The following HDAC4 variants were observed in gnomAD, a reference collection of about 807,000 sequenced individuals.
HDAC4 encodes histone deacetylase 4, also known as histone deacetylase A.
Under a neutral mutation model 135.1 loss-of-function variants are expected in HDAC4, and 16 were observed. The observed-to-expected ratio is 0.12, with a 90% CI of 0.08 to 0.18. The LOEUF is 0.18. HDAC4 is among the 10% of genes least tolerant of loss of function. HDAC4 has a pLI of 1.00. For missense variants in HDAC4, 1,143 were observed against 1,511.8 expected (o/e 0.76, Z 4.05); for synonymous variants, 685 against 653.4 (o/e 1.05, Z -0.74).
intron 2 of HDAC4, among the ~76,000 whole-genome samples, chr2:239,310,498 C>G (rs2052822350): frequency 6.6e-6 from 1 of 152,196 alleles, no homozygotes; most frequent in Non-Finnish European, 1.5e-5. Flanking sequence ...ATGGCTGGGG[C>G]CAAGGGAAGG....
In HDAC4 at chr2:239,087,932, T is replaced by C. The variant is rs910949115; in HGVS notation, c.2389-318A>G. ...GGTGCCCTTGGCTCAGGGGTCGGGG[T>C]GATGTGGAAAGGATGTGCTCACTCC... On this transcript the variant is annotated intron_variant, in intron 18 of 26. Coordinates refer to ENST00000543185, the MANE Select transcript of HDAC4 (RefSeq NM_001378414.1). Among the ~76,000 whole-genome samples, 9 of 151,408 alleles carry C rather than the reference T, an allele frequency of 5.9e-5. No individual in the cohort carries two copies. In the East Asian group the frequency reaches 1.7e-3, roughly 29 times the overall value.
intron 19 of HDAC4, among the ~76,000 whole-genome samples, chr2:239,085,126 T>A (rs2035809175): frequency 6.6e-6 from 1 of 151,834 alleles, no homozygotes; most frequent in Non-Finnish European, 1.5e-5. Flanking sequence ...CTATTTCACA[T>A]GTTACCAACA....
chr2:239,131,767 G>A (rs2040602033), intron 11 of HDAC4, among the ~76,000 whole-genome samples: 1 of 152,244 alleles, frequency 6.6e-6, no homozygotes, highest in Admixed American at 6.5e-5. Context: ...GAACATTCAG[G>A]GGACAGCCGT....
chr2:239,364,588 C>A (rs1694061444), intron 1 of HDAC4, among the ~76,000 whole-genome samples: 1 of 152,236 alleles, frequency 6.6e-6, no homozygotes, highest in Admixed American at 6.5e-5. Context: ...GCTCCTTGAT[C>A]TGTGGAAGAG....
At chr2:239,213,322 G>A (rs1283769936) in intron 3 of HDAC4, among the ~76,000 whole-genome samples, 1 of 152,324 alleles carries the variant, frequency 6.6e-6, no homozygotes, top group South Asian at 2.1e-4. Flanking sequence ...GAAAAAGAAC[G>A]CACTCAGCAA....
rs902648510 is a variant in HDAC4, at chr2:239,256,279, T to A, written c.23-19615A>T. Among the ~76,000 whole-genome samples the A allele has an allele frequency of 2.0e-5, 3 of 152,394 alleles. No homozygotes were observed. In the East Asian group the frequency reaches 5.8e-4, roughly 29 times the overall value. ...GGCAGGAGAGAAACAAATCCAAGAATGAATTCCCAAATTTACTTCTGCAGA... is the reference window on the plus strand; with the variant it reads ...GGCAGGAGAGAAACAAATCCAAGAAAGAATTCCCAAATTTACTTCTGCAGA... On this transcript the variant is annotated intron_variant, in intron 2 of 26. Transcript: ENST00000543185.
intron 1 of HDAC4, among the ~76,000 whole-genome samples, chr2:239,359,075 A>G (rs1484662417): frequency 6.6e-6 from 1 of 152,188 alleles, no homozygotes; most frequent in Non-Finnish European, 1.5e-5. Context: ...GTAAAAAAAA[A>G]GTGTTTTCAT....
At chr2:239,121,839 T>TTCTC (rs149473881) in intron 12 of HDAC4, among the ~76,000 whole-genome samples, 29 of 151,738 alleles carry the variant, frequency 1.9e-4, no homozygotes, top group Non-Finnish European at 3.5e-4. Context: ...CAAAGCCTGC[T>TTCTC]TCTCTCTCTC....
intron 3 of HDAC4, among the ~76,000 whole-genome samples, chr2:239,203,862 G>GACTAAGAAAC (rs1272926861): frequency 1.3e-5 from 2 of 152,176 alleles, no homozygotes; most frequent in Admixed American, 1.3e-4. Context: ...ATTCGAGTAG[G>GACTAAGAAAC]ACTCAGAAAC....
intron 3 of HDAC4, among the ~76,000 whole-genome samples, chr2:239,219,706 G>A (rs757222927): frequency 1.6e-4 from 24 of 151,982 alleles, no homozygotes; most frequent in Admixed American, 7.2e-4. Flanking sequence ...GCCCCAAAAG[G>A]CAAATAGAAA....
chr2:239,200,037 C>A (rs1230803560), intron 3 of HDAC4, among the ~76,000 whole-genome samples: 2 of 152,188 alleles, frequency 1.3e-5, no homozygotes, highest in Non-Finnish European at 2.9e-5. Context: ...CGCGCCCAGC[C>A]CTCTTCCTGT....
At chr2:239,269,630 T>C (rs1306192521) in intron 2 of HDAC4, among the ~76,000 whole-genome samples, 3 of 152,244 alleles carry the variant, frequency 2.0e-5, no homozygotes, top group African/African-American at 7.2e-5. Context: ...GGCTGGCCAC[T>C]GCGAGCCCGT....
At chr2:239,391,774 A>C (rs557177189) in intron 1 of HDAC4, among the ~76,000 whole-genome samples, 2 of 152,306 alleles carry the variant, frequency 1.3e-5, no homozygotes, top group East Asian at 3.9e-4. Flanking sequence ...CCTTCACCCC[A>C]CACCCACGAG....
intron 1 of HDAC4, among the ~76,000 whole-genome samples, chr2:239,385,187 A>C (rs1470847694): frequency 6.6e-6 from 1 of 152,160 alleles, no homozygotes; most frequent in African/African-American, 2.4e-5. Flanking sequence ...CCCTCTCCCC[A>C]GCATCCCCAG....
chr2:239,264,453 C>A, intron 2 of HDAC4, among the ~76,000 whole-genome samples: 1 of 152,330 alleles, frequency 6.6e-6, no homozygotes, highest in Non-Finnish European at 1.5e-5. Flanking sequence ...ACATGAAGGT[C>A]GCTGGGCAGA....
intron 2 of HDAC4, among the ~76,000 whole-genome samples, chr2:239,274,629 G>C (rs1242001719): frequency 2.6e-5 from 4 of 152,224 alleles, no homozygotes; most frequent in Non-Finnish European, 5.9e-5. Flanking sequence ...CCAAAGCAAA[G>C]CAAGCCAGTG....
chr2:239,243,612 G>A (rs754076837), intron 2 of HDAC4, among the ~76,000 whole-genome samples: 2 of 152,190 alleles, frequency 1.3e-5, no homozygotes, highest in African/African-American at 2.4e-5. Context: ...GAAGCTTAGG[G>A]CTACTGGGAA....
At position 239,134,578 on chromosome 2, in the gene HDAC4, C is replaced by A. The variant is rs1041848004; in HGVS notation, c.1044G>T (p.Ser348=). The change falls in exon 10 of 27, where the codon TCG becomes TCT. Residue 348 remains serine (S), a synonymous_variant. Coordinates refer to ENST00000543185, the MANE Select transcript of HDAC4 (RefSeq NM_001378414.1). ...CCAGCGTGATGTTGGGCAAGGATGG[C>A]GATGTGTAGAGGGGAAGTGGAGCGG... The part of the protein sequence containing the change: ...GSAAPLPLYT[S]PSLPNITLGL... 2 of 1,614,118 alleles carry A rather than the reference C, an allele frequency of 1.2e-6. No homozygotes were observed. Among genetic ancestry groups the A allele is most frequent in the African/African-American group, 1.3e-5 (1 of 75,016 alleles).
At chr2:239,320,254 C>T (rs964788195) in intron 2 of HDAC4, among the ~76,000 whole-genome samples, 2 of 151,546 alleles carry the variant, frequency 1.3e-5, no homozygotes, top group East Asian at 1.9e-4. Context: ...TGGTGGGAGG[C>T]GCCTGTAATC....
Sources: allele counts gnomAD v4.1 joint callset (sites outside exome capture counted in the v4.1 genomes callset), GRCh38; gene constraint gnomAD v4.1.1; transcripts MANE v1.5; gene names NCBI Gene and HGNC (gene_info 2026-07-23, HGNC 2026-07-21).